The following PEX14 variants were observed in gnomAD, a reference collection of about 807,000 sequenced individuals.
PEX14 encodes peroxisomal biogenesis factor 14, also known as peroxisomal membrane protein PEX14.
Under a neutral mutation model 49.5 loss-of-function variants are expected in PEX14, and 15 were observed. The ratio of observed to expected loss-of-function variants is 0.30; its 90% CI spans 0.20 to 0.47. The LOEUF (loss-of-function observed/expected upper bound fraction) is 0.47. Among genes scored for constraint, PEX14 ranks in the 20% least tolerant of loss-of-function variants. The pLI is 1.00. For missense variants in PEX14, 398 were observed against 494.8 expected (o/e 0.80, Z 1.86); for synonymous variants, 210 against 212.7 (o/e 0.99, Z 0.11).
chr1:10,560,118 C>T (rs1215387251), intron 3 of PEX14, among the ~76,000 whole-genome samples: 7 of 151,916 alleles, frequency 4.6e-5, no homozygotes. Flanking sequence ...AATGCAATGG[C>T]ACGATCTTGG....
intron 5 of PEX14, among the ~76,000 whole-genome samples, chr1:10,620,451 G>A (rs1342885897): frequency 1.3e-5 from 2 of 151,996 alleles, no homozygotes; most frequent in East Asian, 1.9e-4. Context: ...TCACACTACT[G>A]CACTCCAGCC....
intron 1 of PEX14, among the ~76,000 whole-genome samples, chr1:10,478,376 T>G (rs1641231093): frequency 6.6e-6 from 1 of 152,336 alleles, no homozygotes; most frequent in South Asian, 2.1e-4. Flanking sequence ...TCTAGTAAAG[T>G]TCTTTTATTC....
chr1:10,537,341 A>ACCACCC (rs796854134), intron 3 of PEX14, among the ~76,000 whole-genome samples: 10 of 28,430 alleles, frequency 3.5e-4, no homozygotes, highest in African/African-American at 1.3e-3. Flanking sequence ...TTGTGCCAGC[A>ACCACCC]CCCCCCCCCC....
chr1:10,489,551 G>A (rs536905889), intron 1 of PEX14, among the ~76,000 whole-genome samples: 3 of 152,186 alleles, frequency 2.0e-5, no homozygotes, highest in Non-Finnish European at 4.4e-5. Context: ...TCCCCTGAGA[G>A]TTCTAAGAAA....
At chr1:10,563,937 A>T (rs1639729890) in intron 3 of PEX14, among the ~76,000 whole-genome samples, 1 of 151,912 alleles carries the variant, frequency 6.6e-6, no homozygotes, top group Admixed American at 6.6e-5. Context: ...AAGTTATTTC[A>T]TTATTTTCTG....
At chr1:10,603,115 T>C (rs975137914) in intron 4 of PEX14, among the ~76,000 whole-genome samples, 2 of 152,214 alleles carry the variant, frequency 1.3e-5, no homozygotes, top group African/African-American at 2.4e-5. Flanking sequence ...TGTTCTTTGG[T>C]GAATGTGGTT....
At position 10,531,380 on chromosome 1, in the gene PEX14, TTC is replaced by T. The variant is rs148422470; in HGVS notation, c.85-4828_85-4827del. Among the ~76,000 whole-genome samples the T allele has an allele frequency of 1.6e-3, 239 of 152,326 alleles. 3 individuals carry two copies. In the East Asian group the frequency reaches 0.045, roughly 29 times the overall value. ...ATGCAGCATTTCTGTTTGAAGAGGG[TTC>T]TCTCATTCTTGGCAGTGCCTGGCTT... On this transcript the variant is annotated intron_variant, in intron 2 of 8. Transcript: ENST00000356607.
At chr1:10,518,501 C>T (rs187469920) in intron 2 of PEX14, among the ~76,000 whole-genome samples, 3 of 152,310 alleles carry the variant, frequency 2.0e-5, no homozygotes, top group African/African-American at 7.2e-5. Context: ...GGCCAGTTCT[C>T]TGTGCTCTTT....
rs1376874709 is a variant in PEX14 at position 10,561,029 on chromosome 1, T to G, written c.169+24732T>G. Among the ~76,000 whole-genome samples the G allele has an allele frequency of 2.0e-5, 3 of 151,992 alleles. No homozygotes were observed. The East Asian group carries it at 5.8e-4, about 29-fold the overall frequency. On this transcript the variant is annotated intron_variant, in intron 3 of 8. Transcript: ENST00000356607. Reference sequence around the variant, plus strand: ...ACTGTGCCTGGCCCATTTTGCCACTTTTACTTTGTCTCACTCTCTACACAC... The same window carrying G: ...ACTGTGCCTGGCCCATTTTGCCACTGTTACTTTGTCTCACTCTCTACACAC...
chr1:10,516,694 G>T (rs571737127), intron 2 of PEX14, among the ~76,000 whole-genome samples: 2 of 152,226 alleles, frequency 1.3e-5, no homozygotes, highest in Non-Finnish European at 2.9e-5. Context: ...ATAGCTATGG[G>T]TTGACTTGGC....
At chr1:10,604,833 C>T (rs1641082790) in intron 4 of PEX14, among the ~76,000 whole-genome samples, 1 of 152,112 alleles carries the variant, frequency 6.6e-6, no homozygotes, top group Non-Finnish European at 1.5e-5. Flanking sequence ...TTATTTGTAT[C>T]ATCTCAGCAG....
chr1:10,629,746 A>G lies in PEX14; in HGVS notation c.893A>G (p.Glu298Gly), dbSNP rs1430905360. The G allele has an allele frequency of 1.3e-6, 2 of 1,590,944 alleles. No homozygotes were observed. The highest frequency in any genetic ancestry group is 4.6e-5 in the East Asian group (2 of 43,552). Residue 298 changes from glutamate to glycine, a missense_variant, in exon 9 of 9, where the codon GAA (glutamate) becomes GGA (glycine). Coordinates refer to ENST00000356607, the MANE Select transcript of PEX14 (RefSeq NM_004565.3). This position sits in a 1 kb window ranked among gnomAD's most constrained non-coding sequence, Gnocchi z 8.5. The part of the protein sequence containing the change: ...VTYHLLGPQE[E>G]GEGVVDVKGQ... ...TACCACTTGCTGGGCCCCCAGGAGG[A>G]AGGCGAGGGGGTGGTGGACGTCAAG...
At chr1:10,593,104 G>A (rs114727191) in intron 3 of PEX14, among the ~76,000 whole-genome samples, 45 of 152,314 alleles carry the variant, frequency 3.0e-4, no homozygotes, top group Middle Eastern at 3.4e-3. Context: ...ACTGGGAGAC[G>A]TGGCTGGGTG....
chr1:10,563,518 C>T (rs1027302624), intron 3 of PEX14, among the ~76,000 whole-genome samples: 8 of 152,026 alleles, frequency 5.3e-5, no homozygotes, highest in East Asian at 1.9e-4. Flanking sequence ...TCAGCTACTC[C>T]GGAGGCGGAG....
chr1:10,487,967 G>A (rs1181930830), intron 1 of PEX14, among the ~76,000 whole-genome samples: 1 of 151,790 alleles, frequency 6.6e-6, no homozygotes, highest in Non-Finnish European at 1.5e-5. Context: ...TTTTAATTGC[G>A]ATGGGGTTTC....
chr1:10,497,443 T>A (rs962530159), intron 2 of PEX14, among the ~76,000 whole-genome samples: 1 of 152,216 alleles, frequency 6.6e-6, no homozygotes, highest in Non-Finnish European at 1.5e-5. Context: ...CATGCTCAGC[T>A]TAGCTCAGCT....
intron 3 of PEX14, among the ~76,000 whole-genome samples, chr1:10,551,323 T>A (rs1639327230): frequency 6.6e-6 from 1 of 152,212 alleles, no homozygotes; most frequent in South Asian, 2.1e-4. Context: ...CTTTTTATAA[T>A]GTTAAACAAA....
At chr1:10,490,471 C>G (rs945326420) in intron 1 of PEX14, among the ~76,000 whole-genome samples, 1 of 152,158 alleles carries the variant, frequency 6.6e-6, no homozygotes, top group Non-Finnish European at 1.5e-5. Context: ...TGGGGAAGGT[C>G]AGCGCCTTGG....
chr1:10,551,772 G>A (rs1052883235), intron 3 of PEX14, among the ~76,000 whole-genome samples: 1 of 152,126 alleles, frequency 6.6e-6, no homozygotes, highest in African/African-American at 2.4e-5. Context: ...TATCAGGGAT[G>A]CAAACTAATT....
Sources: gnomAD v4.1 joint callset for allele counts (sites outside exome capture counted in the v4.1 genomes callset) on GRCh38, gnomAD v4.1.1 for gene constraint, Gnocchi (gnomAD v3.1) non-coding constraint, MANE v1.5 for transcripts, NCBI Gene and HGNC (gene_info 2026-07-23, HGNC 2026-07-21) for gene names.